Variants in CCDC25 observed in about 807,000 individuals in gnomAD.
CCDC25 encodes coiled-coil domain containing 25, also known as coiled-coil domain-containing protein 25.
Under a neutral mutation model 35.3 loss-of-function variants are expected in CCDC25, and 16 were observed. That is an observed-to-expected ratio of 0.45 (90% CI 0.31 to 0.69). The LOEUF is 0.69. Ranked by LOEUF, CCDC25 falls within the 30% of genes least tolerant of loss-of-function variation. The pLI is 0.06. For missense variants in CCDC25, 179 were observed against 250.7 expected, an observed-to-expected ratio of 0.71 and a Z score of 1.93; for synonymous variants, 79 against 80.3, an observed-to-expected ratio of 0.98 and a Z score of 0.09.
At chr8:27,766,257 G>A (rs1341971414) in intron 1 of CCDC25, among the ~76,000 whole-genome samples, 1 of 152,210 alleles carries the variant, frequency 6.6e-6, no homozygotes, top group Non-Finnish European at 1.5e-5. Context: ...ACAGCCTGCT[G>A]GCTATCACTC....
chr8:27,770,287 C>G (rs1303848899), intron 1 of CCDC25, among the ~76,000 whole-genome samples: 2 of 151,190 alleles, frequency 1.3e-5, no homozygotes, highest in East Asian at 3.9e-4. Flanking sequence ...ACTAAAAATA[C>G]AAAAATCAGC....
Position 27,765,231 on chromosome 8 carries a change from T to G in CCDC25, c.49A>C (p.Ile17Leu). 1 of 1,502,434 alleles carries G rather than the reference T, an allele frequency of 6.7e-7. No homozygotes were observed. Among genetic ancestry groups the G allele is most frequent in the African/African-American group, 1.4e-5 (1 of 71,950 alleles). 93.1% of individuals were successfully genotyped at this position (1,502,434 alleles called of 1,614,324 possible). The change falls in exon 2 of 9, where the codon ATT (isoleucine) becomes CTT (leucine). Residue 17 changes from isoleucine (I) to leucine (L), a missense_variant. Transcript: ENST00000356537. ...SSSVNSSAYT[I>L]YMGKDKYENE... Reference sequence around the variant, plus strand: ...TCATATTTATCTTTTCCCATGTAAATAGTGTAGGCAGATGAATTAACTAAG... The same window carrying G: ...TCATATTTATCTTTTCCCATGTAAAGAGTGTAGGCAGATGAATTAACTAAG...
intron 2 of CCDC25, among the ~76,000 whole-genome samples, chr8:27,762,876 A>T (rs1360535976): frequency 6.6e-6 from 1 of 152,158 alleles, no homozygotes; most frequent in Non-Finnish European, 1.5e-5. Context: ...AAATTACAGA[A>T]AATTTAAAAC....
intron 2 of CCDC25, chr8:27,764,662 C>G (rs927898389): frequency 4.6e-6 from 1 of 219,364 alleles, no homozygotes; most frequent in African/African-American, 2.4e-5. Flanking sequence ...AAATTTATAT[C>G]TGTGACATAA....
rs200909048 is a variant in CCDC25 at position 27,742,639 on chromosome 8, C to T, written c.552-2122G>A. On this transcript the variant is annotated intron_variant, in intron 7 of 8. Transcript: ENST00000356537. ...CAGCACTTTGGGAGGCCAAGGCAGG[C>T]GGATCACTTGAGGTCAGGAGTTCGA... 3.4e-4 allele frequency among the ~76,000 whole-genome samples: 51 copies of T among 152,200 alleles called. No individual in the cohort carries two copies. The East Asian group carries it at 7.0e-3, about 21-fold the overall frequency.
At chr8:27,751,665 C>T (rs898867113) in intron 5 of CCDC25, among the ~76,000 whole-genome samples, 9 of 152,206 alleles carry the variant, frequency 5.9e-5, no homozygotes, top group African/African-American at 1.7e-4. Context: ...TCTACCCGAT[C>T]TAGACCTGTG....
intron 1 of CCDC25, among the ~76,000 whole-genome samples, chr8:27,770,915 C>G (rs1478315692): frequency 6.6e-6 from 1 of 152,136 alleles, no homozygotes; most frequent in Non-Finnish European, 1.5e-5. Flanking sequence ...ACAGTAGTCC[C>G]CCCTTATCTG....
chr8:27,770,770 A>G (rs1804578023), intron 1 of CCDC25, among the ~76,000 whole-genome samples: 1 of 152,070 alleles, frequency 6.6e-6, no homozygotes, highest in Non-Finnish European at 1.5e-5. Flanking sequence ...ACAAAAACAA[A>G]AAACTCACCT....
chr8:27,738,585 T>C (rs1027082931), intron 8 of CCDC25, among the ~76,000 whole-genome samples: 1 of 139,040 alleles, frequency 7.2e-6, no homozygotes, highest in Admixed American at 7.4e-5. Flanking sequence ...TATGTATGTA[T>C]GTAGGTCGGT....
intron 8 of CCDC25, among the ~76,000 whole-genome samples, chr8:27,736,927 T>G (rs889435573): frequency 6.6e-6 from 1 of 152,126 alleles, no homozygotes; most frequent in African/African-American, 2.4e-5. Context: ...TCACTAAGAG[T>G]GTGCATTCTG....
chr8:27,763,029 TAAG>T (rs1459737740), intron 2 of CCDC25, among the ~76,000 whole-genome samples: 1 of 152,208 alleles, frequency 6.6e-6, no homozygotes. Context: ...ACATGGGTAT[TAAG>T]AAGGATTCTT....
chr8:27,764,575 G>T, intron 2 of CCDC25: 1 of 236,236 alleles, frequency 4.2e-6, no homozygotes, highest in Non-Finnish European at 8.8e-6. Context: ...CACCATGCCT[G>T]GCCTCTTACG....
chr8:27,757,926 G>A (rs1804073715), intron 3 of CCDC25, among the ~76,000 whole-genome samples: 1 of 152,064 alleles, frequency 6.6e-6, no homozygotes, highest in Non-Finnish European at 1.5e-5. Context: ...AAAGTGCACA[G>A]CCCCGGCACC....
rs17478478 is a variant in CCDC25 at position 27,772,614 on chromosome 8, C to G, written c.-74G>C. 3.5e-5 allele frequency: 52 copies of G among 1,468,492 alleles called. No homozygotes were observed. The highest frequency in any genetic ancestry group is 1.1e-4 in the South Asian group (9 of 81,942). 91.0% of individuals were successfully genotyped at this position (1,468,492 alleles called of 1,614,324 possible). A position where few individuals can be genotyped will look rare whatever the true frequency, so the allele number is the denominator to read the frequency against. ...CTCACGAAGCTCAGGATACCAGACTCGCGGCGGCCGCCTGGCCCCCGGAAC... is the reference window on the plus strand; with the variant it reads ...CTCACGAAGCTCAGGATACCAGACTGGCGGCGGCCGCCTGGCCCCCGGAAC... On this transcript the variant is annotated 5_prime_UTR_variant, in exon 1 of 9. Coordinates refer to ENST00000356537, the MANE Select transcript of CCDC25 (RefSeq NM_018246.3).
intron 7 of CCDC25, among the ~76,000 whole-genome samples, chr8:27,741,459 T>A (rs1201750389): frequency 1.3e-5 from 2 of 152,178 alleles, no homozygotes; most frequent in Non-Finnish European, 2.9e-5. Flanking sequence ...CGCGGGCAGA[T>A]CACAAAGTCA....
chr8:27,762,664 A>G (rs1804267657), intron 2 of CCDC25, among the ~76,000 whole-genome samples: 1 of 152,138 alleles, frequency 6.6e-6, no homozygotes, highest in South Asian at 2.1e-4. Context: ...TAATTTTTAT[A>G]AATTTATATA....
At chr8:27,754,081 T>A (rs892913996) in intron 4 of CCDC25, among the ~76,000 whole-genome samples, 1 of 152,150 alleles carries the variant, frequency 6.6e-6, no homozygotes, top group Admixed American at 6.5e-5. Context: ...GTTAGCAAAC[T>A]ATGTACATCT....
intron 2 of CCDC25, among the ~76,000 whole-genome samples, chr8:27,762,685 T>C (rs1313431699): frequency 6.6e-6 from 1 of 152,078 alleles, no homozygotes; most frequent in Non-Finnish European, 1.5e-5. Context: ...ATACTTCTAA[T>C]CTAAAGCTCA....
chr8:27,740,003 AAAAC>A lies in CCDC25; in HGVS notation c.597+465_597+468del, dbSNP rs565236595. On this transcript the variant is annotated intron_variant, in intron 8 of 8. Transcript: ENST00000356537. ...TCTATCCCAGGTCCTAAGGAACATG[AAAAC>A]AAACAATTTTGTCACTTAGGCTTCA... Among the ~76,000 whole-genome samples, 9 of 152,344 alleles carry A rather than the reference AAAAC, an allele frequency of 5.9e-5. No individual in the cohort carries two copies. The East Asian group carries it at 1.3e-3, about 23-fold the overall frequency.
Sources: allele counts gnomAD v4.1 joint callset (sites outside exome capture counted in the v4.1 genomes callset), GRCh38; gene constraint gnomAD v4.1.1; transcripts MANE v1.5; gene names NCBI Gene and HGNC (gene_info 2026-07-23, HGNC 2026-07-21).